Variants in RALYL observed in about 807,000 individuals in gnomAD.
The protein encoded by RALYL is RNA-binding Raly-like protein.
In RALYL, 29 loss-of-function variants were observed where a neutral mutation model predicts 35.1. The observed-to-expected ratio is 0.83, with a 90% CI of 0.61 to 1.13. RALYL has a LOEUF of 1.13. Ranked by LOEUF, RALYL falls within the 50% of genes most tolerant of loss-of-function variation. The pLI is 0.00. For missense variants in RALYL, 359 were observed against 360.4 expected, an observed-to-expected ratio of 1.00 and a Z score of 0.03; for synonymous variants, 120 against 127.6, an observed-to-expected ratio of 0.94 and a Z score of 0.40.
intron 1 of RALYL, among the ~76,000 whole-genome samples, chr8:84,270,259 GGAA>G (rs1325379753): frequency 1.3e-5 from 2 of 152,210 alleles, no homozygotes; most frequent in Non-Finnish European, 2.9e-5. Context: ...TCTGTGGGAA[GGAA>G]GAAGGAGCAC....
At position 84,304,425 on chromosome 8, in the gene RALYL, A is replaced by G. The variant is rs562764530; in HGVS notation, c.-24+120001A>G. 3.9e-4 allele frequency among the ~76,000 whole-genome samples: 60 copies of G among 152,288 alleles called. No homozygotes were observed. In the Middle Eastern group the frequency reaches 0.017, roughly 43 times the overall value. On this transcript the variant is annotated intron_variant, in intron 1 of 8. Coordinates refer to ENST00000521268, the MANE Select transcript of RALYL (RefSeq NM_173848.7). ...ATCCGTTTTGTGTTTCTGTTCAAAT[A>G]CTAACTAATATAATATGGGATATTA... is the stretch of plus-strand genomic sequence containing the variant.
rs374107028 is a variant in RALYL at position 84,688,530 on chromosome 8, GA to G, written c.257-86042del. On this transcript the variant is annotated intron_variant, in intron 2 of 8. Coordinates refer to ENST00000521268, the MANE Select transcript of RALYL (RefSeq NM_173848.7). Reference sequence around the variant, plus strand: ...AACTGGACATCTTAATGCAGCAGAAGAAAAAAACTTGATTCTTGTTTTACCC... The same window carrying G: ...AACTGGACATCTTAATGCAGCAGAAGAAAAAACTTGATTCTTGTTTTACCC... Among the ~76,000 whole-genome samples the G allele has an allele frequency of 2.8e-4, 42 of 151,792 alleles. 2 individuals are homozygous for G. The East Asian group carries it at 6.0e-3, about 22-fold the overall frequency.
chr8:84,704,934 G>A (rs1840924724), intron 2 of RALYL, among the ~76,000 whole-genome samples: 1 of 152,172 alleles, frequency 6.6e-6, no homozygotes, highest in Admixed American at 6.5e-5. Flanking sequence ...GAACAGCTGA[G>A]TATCTCCACT....
At chr8:84,878,482 T>C (rs1263001701) in intron 7 of RALYL, among the ~76,000 whole-genome samples, 6 of 151,794 alleles carry the variant, frequency 4.0e-5, no homozygotes, top group African/African-American at 1.5e-4. Flanking sequence ...AATATTTTAA[T>C]GCCCTACTGT....
intron 4 of RALYL, among the ~76,000 whole-genome samples, chr8:84,814,924 T>C (rs1042204549): frequency 1.3e-5 from 2 of 152,206 alleles, no homozygotes; most frequent in Non-Finnish European, 2.9e-5. Flanking sequence ...GATCAACAGA[T>C]GCAGTGTTTT....
chr8:84,411,673 C>A (rs181234355), intron 1 of RALYL, among the ~76,000 whole-genome samples: 74 of 152,050 alleles, frequency 4.9e-4, no homozygotes, highest in African/African-American at 1.7e-3. Flanking sequence ...TATTATCTAT[C>A]TTTTCCCCTA....
rs755587200 is a variant in RALYL at position 84,426,442 on chromosome 8, G to GTGTGTT, written c.-23-102852_-23-102851insTTGTGT. On this transcript the variant is annotated intron_variant, in intron 1 of 8. Transcript: ENST00000521268. ...TTTTGCGTTCTCTCTCTCTCTCTGT[G>GTGTGTT]TGTGTGTGTGTGTGTGTGTGTGTGT... 3.0e-3 allele frequency among the ~76,000 whole-genome samples: 451 copies of GTGTGTT among 148,112 alleles called. 1 individual carries two copies. The highest frequency in any genetic ancestry group is 5.7e-3 in the Non-Finnish European group (378 of 66,574).
At chr8:84,263,111 A>G (rs1354543822) in intron 1 of RALYL, among the ~76,000 whole-genome samples, 1 of 152,024 alleles carries the variant, frequency 6.6e-6, no homozygotes, top group Non-Finnish European at 1.5e-5. Flanking sequence ...TACCTTATGA[A>G]TATATGCAAA....
intron 1 of RALYL, among the ~76,000 whole-genome samples, chr8:84,480,547 T>C (rs1408840754): frequency 6.6e-6 from 1 of 152,144 alleles, no homozygotes; most frequent in African/African-American, 2.4e-5. Context: ...CTGAAATGCT[T>C]TTTGGGAGAA....
intron 1 of RALYL, among the ~76,000 whole-genome samples, chr8:84,295,547 G>T (rs1839598311): frequency 1.3e-5 from 2 of 152,058 alleles, no homozygotes; most frequent in South Asian, 4.1e-4. Flanking sequence ...TGATCCTCCT[G>T]TCTTGGCCTC....
chr8:84,544,185 G>T (rs1241253319), intron 2 of RALYL, among the ~76,000 whole-genome samples: 5 of 151,896 alleles, frequency 3.3e-5, no homozygotes, highest in African/African-American at 1.2e-4. Flanking sequence ...CAGTTTTAAT[G>T]TTTGATTATT....
intron 2 of RALYL, among the ~76,000 whole-genome samples, chr8:84,583,629 T>C (rs891009060): frequency 6.6e-6 from 1 of 152,220 alleles, no homozygotes. Context: ...AGTAAACTCT[T>C]TGTATTTACT....
chr8:84,478,439 T>C (rs550475957), intron 1 of RALYL, among the ~76,000 whole-genome samples: 1 of 152,308 alleles, frequency 6.6e-6, no homozygotes, highest in East Asian at 1.9e-4. Flanking sequence ...TGTAATGAAA[T>C]GTCTAAATGA....
At chr8:84,780,747 G>A (rs1026541403) in intron 3 of RALYL, among the ~76,000 whole-genome samples, 2 of 152,124 alleles carry the variant, frequency 1.3e-5, no homozygotes, top group African/African-American at 4.8e-5. Flanking sequence ...TGTATTTAAG[G>A]AGCCTGCAAC....
At chr8:84,661,150 G>T (rs188547087) in intron 2 of RALYL, among the ~76,000 whole-genome samples, 6 of 151,904 alleles carry the variant, frequency 3.9e-5, no homozygotes, top group Non-Finnish European at 7.4e-5. Context: ...GGATGGTCTC[G>T]ATCTCCTGAC....
At chr8:84,291,295 T>C (rs1036485906) in intron 1 of RALYL, among the ~76,000 whole-genome samples, 3 of 152,174 alleles carry the variant, frequency 2.0e-5, no homozygotes, top group Admixed American at 6.5e-5. Context: ...CACTGTTTTG[T>C]TTTTAGTTTT....
At chr8:84,515,207 A>G (rs1433644097) in intron 1 of RALYL, among the ~76,000 whole-genome samples, 1 of 152,196 alleles carries the variant, frequency 6.6e-6, no homozygotes, top group Non-Finnish European at 1.5e-5. Flanking sequence ...AAATAGCTAC[A>G]TAGTGACAGT....
intron 8 of RALYL, among the ~76,000 whole-genome samples, chr8:84,911,995 C>T (rs971947360): frequency 7.9e-5 from 12 of 152,092 alleles, no homozygotes; most frequent in African/African-American, 2.4e-4. Flanking sequence ...GTGAGAACCT[C>T]ATTAAATTTC....
intron 2 of RALYL, among the ~76,000 whole-genome samples, chr8:84,673,392 A>G (rs1316067736): frequency 6.6e-6 from 1 of 151,080 alleles, no homozygotes; most frequent in African/African-American, 2.4e-5. Context: ...CATTTTTTCA[A>G]TTTTTGCTTT....
Sources: gnomAD v4.1 joint callset for allele counts (sites outside exome capture counted in the v4.1 genomes callset) on GRCh38, gnomAD v4.1.1 for gene constraint, MANE v1.5 for transcripts, NCBI Gene and HGNC (gene_info 2026-07-23, HGNC 2026-07-21) for gene names.